GMDS: variants seen among roughly 807,000 people sequenced by gnomAD.
GMDS encodes the protein GDP-mannose 4,6 dehydratase.
GMDS carries 20 observed loss-of-function variants against 49.9 expected under a neutral mutation model. That is an observed-to-expected ratio of 0.40 (90% CI 0.28 to 0.58). The LOEUF (loss-of-function observed/expected upper bound fraction) is 0.58. Ranked by LOEUF, GMDS falls within the 20% of genes least tolerant of loss-of-function variation. The probability of loss-of-function intolerance (pLI) is 0.42; values close to 1 mark genes in which losing one functional copy is unlikely to be tolerated. For synonymous variants in GMDS, 177 were observed against 178.6 expected, an observed-to-expected ratio of 0.99 and a Z score of 0.07; for missense variants, 362 against 481.4, an observed-to-expected ratio of 0.75 and a Z score of 2.32.
chr6:1,967,078 G>C (rs773492831), intron 4 of GMDS, among the ~76,000 whole-genome samples: 2 of 152,138 alleles, frequency 1.3e-5, no homozygotes, highest in Non-Finnish European at 2.9e-5. Flanking sequence ...GGTCCTGCCT[G>C]GAGCCTTCAC....
intron 9 of GMDS, among the ~76,000 whole-genome samples, chr6:1,712,254 G>C (rs1209871662): frequency 6.6e-6 from 1 of 152,166 alleles, no homozygotes; most frequent in Non-Finnish European, 1.5e-5. Context: ...CGGTATCTTT[G>C]ATCATAAGAT....
At chr6:2,186,958 T>C (rs184068894) in intron 1 of GMDS, among the ~76,000 whole-genome samples, 2 of 152,272 alleles carry the variant, frequency 1.3e-5, no homozygotes, top group African/African-American at 2.4e-5. Context: ...AGTGATTCTC[T>C]ATGTTTAAAA....
At chr6:2,244,946 T>C (rs979054757) in intron 1 of GMDS, among the ~76,000 whole-genome samples, 6 of 152,254 alleles carry the variant, frequency 3.9e-5, no homozygotes, top group South Asian at 2.1e-4. Context: ...CGCAAGTTCA[T>C]TGATCACCGG....
intron 4 of GMDS, among the ~76,000 whole-genome samples, chr6:2,100,542 A>G (rs1562054189): frequency 6.6e-6 from 1 of 152,074 alleles, no homozygotes; most frequent in Non-Finnish European, 1.5e-5. Context: ...AATACAATGT[A>G]AATAAACTAC....
chr6:1,885,977 A>C (rs554256775), intron 7 of GMDS, among the ~76,000 whole-genome samples: 1 of 152,340 alleles, frequency 6.6e-6, no homozygotes, highest in South Asian at 2.1e-4. Context: ...AGGGCAGGGT[A>C]AAGTAAAGTG....
intron 7 of GMDS, among the ~76,000 whole-genome samples, chr6:1,780,841 CAG>C (rs1189268348): frequency 2.6e-5 from 4 of 152,190 alleles, no homozygotes; most frequent in Non-Finnish European, 4.4e-5. Context: ...TCCATTTAAT[CAG>C]AGAGACTGAA....
intron 4 of GMDS, among the ~76,000 whole-genome samples, chr6:2,000,461 C>T (rs1295622279): frequency 1.3e-5 from 2 of 152,130 alleles, no homozygotes; most frequent in East Asian, 3.9e-4. Context: ...CTTCAACCCT[C>T]CCCAATCCCT....
intron 4 of GMDS, among the ~76,000 whole-genome samples, chr6:2,094,525 G>A (rs1773487280): frequency 6.6e-6 from 1 of 152,212 alleles, no homozygotes; most frequent in African/African-American, 2.4e-5. Context: ...CATGTACCGT[G>A]TTCAGTACCA....
chr6:2,147,614 T>C (rs1776627510), intron 1 of GMDS, among the ~76,000 whole-genome samples: 1 of 151,188 alleles, frequency 6.6e-6, no homozygotes, highest in African/African-American at 2.4e-5. Flanking sequence ...CACTCTAGAG[T>C]CCCCTACATT....
chr6:1,774,053 TGAAAGAA>T (rs1419771264), intron 7 of GMDS, among the ~76,000 whole-genome samples: 1 of 152,198 alleles, frequency 6.6e-6, no homozygotes, highest in Admixed American at 6.5e-5. Context: ...AAGAAAATCT[TGAAAGAA>T]GAAAGTGATG....
intron 7 of GMDS, among the ~76,000 whole-genome samples, chr6:1,838,910 T>A (rs1183356293): frequency 2.6e-5 from 4 of 152,192 alleles, no homozygotes; most frequent in Non-Finnish European, 5.9e-5. Flanking sequence ...TTCCCTGAGG[T>A]GGGACATCCA....
At chr6:2,221,791 A>G (rs2127590138) in intron 1 of GMDS, among the ~76,000 whole-genome samples, 1 of 152,344 alleles carries the variant, frequency 6.6e-6, no homozygotes, top group East Asian at 1.9e-4. Context: ...AAGCAAAAAG[A>G]AAACAAACAA....
At chr6:2,166,159 A>G (rs970064711) in intron 1 of GMDS, among the ~76,000 whole-genome samples, 1 of 152,262 alleles carries the variant, frequency 6.6e-6, no homozygotes, top group African/African-American at 2.4e-5. Context: ...AACACTAGCC[A>G]GAACTGAAGA....
At chr6:2,006,525 A>G (rs1322355467) in intron 4 of GMDS, among the ~76,000 whole-genome samples, 1 of 152,186 alleles carries the variant, frequency 6.6e-6, no homozygotes, top group Admixed American at 6.6e-5. Flanking sequence ...ATCTCTGCTC[A>G]TAATTACTAT....
chr6:1,802,376 C>T (rs1404553007), intron 7 of GMDS, among the ~76,000 whole-genome samples: 2 of 152,286 alleles, frequency 1.3e-5, no homozygotes, highest in South Asian at 2.1e-4. Flanking sequence ...ACACAGCAAG[C>T]ATTTTCTATA....
chr6:2,065,163 A>G (rs552999876), intron 4 of GMDS, among the ~76,000 whole-genome samples: 1 of 152,276 alleles, frequency 6.6e-6, no homozygotes, highest in Non-Finnish European at 1.5e-5. Context: ...GCAGGGGCAG[A>G]CTGACACCTC....
At chr6:1,927,969 C>A (rs1399188397) in intron 7 of GMDS, among the ~76,000 whole-genome samples, 4 of 152,222 alleles carry the variant, frequency 2.6e-5, no homozygotes, top group Non-Finnish European at 5.9e-5. Flanking sequence ...CTATCAAAAT[C>A]TATTAGATTT....
At chr6:2,040,976 C>T (rs531181355) in intron 4 of GMDS, among the ~76,000 whole-genome samples, 125 of 152,274 alleles carry the variant, frequency 8.2e-4, no homozygotes, top group African/African-American at 2.4e-3. Flanking sequence ...AGCAAATAAA[C>T]GTCTACACTT....
intron 2 of GMDS, among the ~76,000 whole-genome samples, 155 bp from the exon 3 acceptor site, chr6:2,117,711 C>A (rs1774922935): frequency 6.6e-6 from 1 of 152,100 alleles, no homozygotes; most frequent in Admixed American, 6.6e-5. Flanking sequence ...AACCACTGTC[C>A]ACCAGCTACG....
Sources: gnomAD v4.1 joint callset for allele counts (sites outside exome capture counted in the v4.1 genomes callset) on GRCh38, gnomAD v4.1.1 for gene constraint, MANE v1.5 for transcripts, NCBI Gene and HGNC (gene_info 2026-07-23, HGNC 2026-07-21) for gene names.